HYDIN: variants seen among roughly 807,000 people sequenced by gnomAD.
HYDIN encodes HYDIN axonemal central pair apparatus protein, also known as axonemal central pair apparatus protein HYDIN.
HYDIN carries 132 observed loss-of-function variants against 403.9 expected under a neutral mutation model. The ratio of observed to expected loss-of-function variants is 0.33; its 90% confidence interval spans 0.28 to 0.38. The LOEUF (loss-of-function observed/expected upper bound fraction) is 0.38. HYDIN is among the 10% of genes least tolerant of loss of function. The pLI, the probability that HYDIN is intolerant of heterozygous loss-of-function variation, is 1.00. For missense variants in HYDIN, 2,827 were observed against 5,009.5 expected (o/e 0.56, Z 13.15); for synonymous variants, 1,202 against 1,891.7 (o/e 0.64, Z 9.46).
chr16:70,891,249 C>T (rs1187307796), intron 57 of HYDIN, among the ~76,000 whole-genome samples: 3 of 152,036 alleles, frequency 2.0e-5, no homozygotes, highest in African/African-American at 7.2e-5. Context: ...AGTGCAGTGG[C>T]GCGATCTCGG....
chr16:70,881,488 G>T (rs892944557), intron 60 of HYDIN, among the ~76,000 whole-genome samples: 2 of 144,742 alleles, frequency 1.4e-5, no homozygotes, highest in African/African-American at 5.6e-5. Context: ...GGTGCCTGTA[G>T]TCCCAGCTAC....
chr16:71,041,415 G>A (rs2144196848), intron 18 of HYDIN, among the ~76,000 whole-genome samples: 1 of 152,276 alleles, frequency 6.6e-6, no homozygotes. Context: ...ACAGATGTCA[G>A]CAAAATTAAG....
At chr16:71,071,473 A>G (rs889207354) in intron 13 of HYDIN, among the ~76,000 whole-genome samples, 4 of 151,484 alleles carry the variant, frequency 2.6e-5, no homozygotes, top group African/African-American at 7.3e-5. Flanking sequence ...GCTCCCTTTT[A>G]TAGGGTCTAG....
chr16:71,136,766 C>CAAAAAAAAAAAAAAAAAAAAA (rs72061209), intron 8 of HYDIN, among the ~76,000 whole-genome samples: 1 of 101,398 alleles, frequency 9.9e-6, no homozygotes. Flanking sequence ...GACTCCATCT[C>CAAAAAAAAAAAAAAAAAAAAA]AAAAAAAAAA....
chr16:70,910,046 T>G (rs984643302), intron 47 of HYDIN, among the ~76,000 whole-genome samples: 1 of 152,092 alleles, frequency 6.6e-6, no homozygotes, highest in African/African-American at 2.4e-5. Context: ...TAATCAAAGT[T>G]CCTATATTGT....
intron 1 of HYDIN, among the ~76,000 whole-genome samples, chr16:71,228,920 C>T (rs780223429): frequency 1.3e-5 from 2 of 151,914 alleles, no homozygotes; most frequent in Non-Finnish European, 2.9e-5. Context: ...TGTCCATCAA[C>T]GATAGACTGA....
intron 18 of HYDIN, among the ~76,000 whole-genome samples, chr16:71,040,659 A>C (rs1404109261): frequency 9.7e-6 from 1 of 103,336 alleles, no homozygotes; most frequent in African/African-American, 3.9e-5. Flanking sequence ...AGTCACCCAG[A>C]CTCTCTGCAA....
At chr16:71,193,175 G>A (rs1308412200) in intron 1 of HYDIN, among the ~76,000 whole-genome samples, 1 of 152,154 alleles carries the variant, frequency 6.6e-6, no homozygotes, top group Non-Finnish European at 1.5e-5. Flanking sequence ...ATGTGTAATT[G>A]GCACATACAA....
chr16:71,005,279 T>A (rs943965760), intron 23 of HYDIN, among the ~76,000 whole-genome samples: 1 of 152,158 alleles, frequency 6.6e-6, no homozygotes, highest in Non-Finnish European at 1.5e-5. Flanking sequence ...TGCTGTCCAA[T>A]ACATAGCCAC....
chr16:70,947,870 G>A (rs1237872969), intron 41 of HYDIN, among the ~76,000 whole-genome samples: 1 of 149,812 alleles, frequency 6.7e-6, no homozygotes, highest in Admixed American at 6.6e-5. Flanking sequence ...TCGTGAAAAT[G>A]GCCATACTGC....
chr16:70,859,967 C>T (rs1381095715), intron 71 of HYDIN, 101 bp downstream of exon 71: 1 of 1,042,144 alleles, frequency 9.6e-7, no homozygotes, highest in East Asian at 2.4e-5. Flanking sequence ...CACCCTCAGG[C>T]AGTTCTTCCT....
rs200359752 is a variant in HYDIN, at chr16:70,920,784, G to A, written c.7592C>T (p.Ala2531Val). ...TEKERLEREK[A>V]ERERLEKLRA... Reference sequence around the variant, plus strand: ...CAGCTTCTCCAGGCGCTCCCGCTCCGCCTTCTCCCTCTCCAGGCGCTCCTT... The same window carrying A: ...CAGCTTCTCCAGGCGCTCCCGCTCCACCTTCTCCCTCTCCAGGCGCTCCTT... The change falls in exon 46 of 86, where the codon GCG (alanine) becomes GTG (valine). Residue 2531 changes from alanine to valine, a missense_variant. Coordinates refer to ENST00000393567, the MANE Select transcript of HYDIN (RefSeq NM_001270974.2). The A allele has an allele frequency of 1.3e-3, 2,017 of 1,559,626 alleles. 1 individual carries two copies. The highest frequency in any genetic ancestry group is 1.6e-3 in the Non-Finnish European group (1,880 of 1,151,144).
At chr16:71,043,302 T>C (rs1349051733) in intron 18 of HYDIN, among the ~76,000 whole-genome samples, 1 of 150,682 alleles carries the variant, frequency 6.6e-6, no homozygotes, top group East Asian at 1.9e-4. Flanking sequence ...GTGCAGCATA[T>C]TTGATGAACC....
At chr16:71,205,591 C>G (rs546426867) in intron 1 of HYDIN, among the ~76,000 whole-genome samples, 1 of 152,348 alleles carries the variant, frequency 6.6e-6, no homozygotes, top group South Asian at 2.1e-4. Context: ...AGTTGTAGTT[C>G]CGAGGAGCAC....
At chr16:70,870,925 G>C (rs1330197044) in intron 65 of HYDIN, among the ~76,000 whole-genome samples, 3 of 151,682 alleles carry the variant, frequency 2.0e-5, no homozygotes, top group Non-Finnish European at 4.4e-5. Flanking sequence ...CAGCTACTTG[G>C]GGGGCTGAGG....
At chr16:71,178,455 A>G (rs1331942041) in intron 4 of HYDIN, among the ~76,000 whole-genome samples, 5 of 143,146 alleles carry the variant, frequency 3.5e-5, no homozygotes. Context: ...ATATATATGT[A>G]TATATATATA....
chr16:71,043,230 T>G (rs1016142511), intron 18 of HYDIN, among the ~76,000 whole-genome samples: 1 of 149,592 alleles, frequency 6.7e-6, no homozygotes, highest in African/African-American at 2.5e-5. Context: ...GCCTTCTCTT[T>G]GTGTCCAGTG....
intron 10 of HYDIN, among the ~76,000 whole-genome samples, chr16:71,108,038 GC>G: frequency 6.6e-6 from 1 of 152,208 alleles, no homozygotes. Flanking sequence ...GAAGCTGGAG[GC>G]CATCATCCCT....
chr16:70,823,983 C>T (rs1346678330), intron 83 of HYDIN, among the ~76,000 whole-genome samples: 3 of 148,724 alleles, frequency 2.0e-5, no homozygotes, highest in Admixed American at 1.3e-4. Flanking sequence ...CCTTCCTTTT[C>T]GAGGATTGCA....
Sources: gnomAD v4.1 joint callset for allele counts (sites outside exome capture counted in the v4.1 genomes callset) on GRCh38, gnomAD v4.1.1 for gene constraint, MANE v1.5 for transcripts, NCBI Gene and HGNC (gene_info 2026-07-23, HGNC 2026-07-21) for gene names.